The following KALRN variants were observed in gnomAD, a reference collection of about 807,000 sequenced individuals.
The protein encoded by KALRN is kalirin.
In KALRN, 70 loss-of-function variants were observed where a neutral mutation model predicts 353.7. The observed-to-expected ratio is 0.20, with a 90% confidence interval of 0.16 to 0.24. The LOEUF (loss-of-function observed/expected upper bound fraction) is 0.24, where lower values mean the gene tolerates loss of function less well. KALRN is among the 10% of genes least tolerant of loss of function. KALRN has a pLI of 1.00. For missense variants in KALRN, 2,791 were observed against 3,756.7 expected (o/e 0.74, Z 6.72); for synonymous variants, 1,391 against 1,434.8 (o/e 0.97, Z 0.69).
At chr3:124,045,765 G>A (rs987073168) in intron 1 of KALRN, among the ~76,000 whole-genome samples, 1 of 149,528 alleles carries the variant, frequency 6.7e-6, no homozygotes, top group Admixed American at 6.7e-5. Context: ...GGGGGGGGTT[G>A]CCTGATACAT....
At chr3:124,114,138 A>G (rs1278772015) in intron 1 of KALRN, among the ~76,000 whole-genome samples, 1 of 152,190 alleles carries the variant, frequency 6.6e-6, no homozygotes, top group Non-Finnish European at 1.5e-5. Context: ...GGTTGGAAGA[A>G]CAGTTATGTA....
chr3:124,314,945 C>T (rs976129598), intron 6 of KALRN, among the ~76,000 whole-genome samples: 1 of 152,170 alleles, frequency 6.6e-6, no homozygotes, highest in Non-Finnish European at 1.5e-5. Context: ...GCCACCATGC[C>T]CAGCCCAGGT....
intron 1 of KALRN, among the ~76,000 whole-genome samples, chr3:124,140,249 C>T (rs550889795): frequency 3.9e-5 from 6 of 152,326 alleles, no homozygotes; most frequent in Admixed American, 3.9e-4. Context: ...TAAATGAATA[C>T]ATACTCTTGT....
At chr3:124,443,592 A>G (rs893755228) in intron 19 of KALRN, among the ~76,000 whole-genome samples, 1 of 152,224 alleles carries the variant, frequency 6.6e-6, no homozygotes, top group Non-Finnish European at 1.5e-5. Flanking sequence ...ATTTGAAAGC[A>G]TATGTTCTGG....
intron 1 of KALRN, among the ~76,000 whole-genome samples, chr3:124,215,463 T>C (rs181391996): frequency 1.4e-4 from 22 of 152,292 alleles, no homozygotes; most frequent in African/African-American, 4.8e-4. Context: ...CAGTACTTAT[T>C]ATTGAACATC....
intron 1 of KALRN, among the ~76,000 whole-genome samples, chr3:124,180,239 G>A (rs2073386244): frequency 6.6e-6 from 1 of 152,138 alleles, no homozygotes; most frequent in Non-Finnish European, 1.5e-5. Context: ...TGGCACGAGT[G>A]CCTGGTTTTT....
chr3:124,424,504 C>G (rs1479625852), intron 15 of KALRN, among the ~76,000 whole-genome samples: 2 of 152,082 alleles, frequency 1.3e-5, no homozygotes, highest in African/African-American at 4.8e-5. Flanking sequence ...TCTCCACTCC[C>G]CATCTCTCCC....
chr3:124,305,544 G>A (rs1007389244), intron 6 of KALRN, among the ~76,000 whole-genome samples: 2 of 152,154 alleles, frequency 1.3e-5, no homozygotes, highest in African/African-American at 4.8e-5. Flanking sequence ...AATCAAACCT[G>A]GTACAAGATC....
intron 1 of KALRN, among the ~76,000 whole-genome samples, chr3:124,138,337 G>C (rs1339151261): frequency 2.6e-5 from 4 of 152,180 alleles, no homozygotes; most frequent in African/African-American, 9.7e-5. Context: ...GACTAAAAGA[G>C]GGGGAGGGGA....
intron 33 of KALRN, among the ~76,000 whole-genome samples, chr3:124,549,871 G>A (rs1410665557): frequency 6.6e-6 from 1 of 152,106 alleles, no homozygotes; most frequent in African/African-American, 2.4e-5. Flanking sequence ...AAATGGCCAG[G>A]ACACATTTGG....
intron 15 of KALRN, among the ~76,000 whole-genome samples, chr3:124,430,227 C>G (rs954787921): frequency 1.3e-5 from 2 of 152,098 alleles, no homozygotes; most frequent in Non-Finnish European, 2.9e-5. Context: ...TTGTTTCTAG[C>G]AGGAGAGATT....
At chr3:124,099,661 T>C (rs961697601) in intron 1 of KALRN, among the ~76,000 whole-genome samples, 2 of 152,246 alleles carry the variant, frequency 1.3e-5, no homozygotes, top group African/African-American at 4.8e-5. Flanking sequence ...ACAACTGTAC[T>C]AATTTACATT....
chr3:124,235,192 G>A (rs530455599), intron 3 of KALRN, among the ~76,000 whole-genome samples: 1 of 152,284 alleles, frequency 6.6e-6, no homozygotes, highest in Admixed American at 6.5e-5. Flanking sequence ...TCAGCTACAG[G>A]AAACACTCTA....
At chr3:124,550,391 C>T (rs968221122) in intron 33 of KALRN, among the ~76,000 whole-genome samples, 13 of 152,300 alleles carry the variant, frequency 8.5e-5, no homozygotes, top group African/African-American at 3.1e-4. Context: ...GATCCCATTA[C>T]TTGCCCTAGT....
chr3:124,196,922 G>C (rs2075494317), intron 1 of KALRN, among the ~76,000 whole-genome samples: 1 of 152,160 alleles, frequency 6.6e-6, no homozygotes, highest in South Asian at 2.1e-4. Context: ...CTCATTTACA[G>C]ATGAGGAAAT....
intron 5 of KALRN, among the ~76,000 whole-genome samples, chr3:124,284,060 A>G (rs1383327349): frequency 1.3e-5 from 2 of 152,194 alleles, no homozygotes; most frequent in African/African-American, 4.8e-5. Flanking sequence ...AAAAGATGGG[A>G]GAGGGAACAA....
chr3:124,254,884 C>T (rs963718565), intron 3 of KALRN, among the ~76,000 whole-genome samples: 10 of 152,176 alleles, frequency 6.6e-5, no homozygotes, highest in African/African-American at 2.4e-4. Flanking sequence ...GAGCAGCCAG[C>T]ATCCAGGCTG....
Position 124,111,854 on chromosome 3 carries a change from C to T in KALRN, c.73+78041C>T, listed in dbSNP as rs1274233286. ...ATGGCTTTATTGGAAATTCACTCCC[C>T]AAACTTAATCATATTACAAATTACT... On this transcript the variant is annotated intron_variant, in intron 1 of 59. Coordinates refer to ENST00000682506, the MANE Select transcript of KALRN (RefSeq NM_001388419.1). Among the ~76,000 whole-genome samples the T allele has an allele frequency of 3.3e-5, 5 of 152,174 alleles. No homozygotes were observed. In the South Asian group the frequency reaches 6.2e-4, roughly 19 times the overall value.
intron 10 of KALRN, among the ~76,000 whole-genome samples, chr3:124,383,249 A>G (rs1434433662): frequency 6.6e-6 from 1 of 152,212 alleles, no homozygotes; most frequent in African/African-American, 2.4e-5. Context: ...TGCCAGTACA[A>G]TCAAGAGGCT....
Sources: gnomAD v4.1 joint callset for allele counts (sites outside exome capture counted in the v4.1 genomes callset) on GRCh38, gnomAD v4.1.1 for gene constraint, MANE v1.5 for transcripts, NCBI Gene and HGNC (gene_info 2026-07-23, HGNC 2026-07-21) for gene names.